The following CFAP54 variants were observed in gnomAD, a reference collection of about 807,000 sequenced individuals.
The protein encoded by CFAP54 is cilia- and flagella-associated protein 54.
In CFAP54, 290 loss-of-function variants were observed where a neutral mutation model predicts 370.4. That is an observed-to-expected ratio of 0.78 (90% CI 0.71 to 0.86). CFAP54 has a LOEUF of 0.86. Among genes scored for constraint, CFAP54 ranks in the 40% least tolerant of loss-of-function variants. CFAP54 has a pLI of 0.00. For missense variants in CFAP54, 3,399 were observed against 3,528.7 expected, an observed-to-expected ratio of 0.96 and a Z score of 0.93; for synonymous variants, 1,206 against 1,236.5, an observed-to-expected ratio of 0.98 and a Z score of 0.52.
At chr12:96,533,661 C>A in intron 9 of CFAP54, 131 bp from the exon 10 acceptor site, 1 of 699,732 alleles carries the variant, frequency 1.4e-6, no homozygotes, top group Non-Finnish European at 2.2e-6. Flanking sequence ...TTTCTTGTTT[C>A]CCCCACTAGA....
intron 55 of CFAP54, among the ~76,000 whole-genome samples, chr12:96,746,838 C>G (rs1010096269): frequency 1.3e-5 from 2 of 152,092 alleles, no homozygotes; most frequent in African/African-American, 4.8e-5. Flanking sequence ...CATTCTCTTC[C>G]CTCTCCTCCC....
chr12:96,875,081 A>G (rs192415523), intron 67 of CFAP54, 37 bp from the exon 68 acceptor site: 1 of 152,322 alleles, frequency 6.6e-6, no homozygotes, highest in African/African-American at 2.4e-5. Flanking sequence ...GGAAAATTAT[A>G]TGAAATTCAA....
At chr12:96,785,679 G>A (rs1958622171) in intron 61 of CFAP54, among the ~76,000 whole-genome samples, 1 of 152,172 alleles carries the variant, frequency 6.6e-6, no homozygotes, top group South Asian at 2.1e-4. Context: ...CAGCCCTGGT[G>A]ATCCCTTGCC....
At chr12:96,538,811 C>G (rs1002750954) in intron 13 of CFAP54, 11 of 263,548 alleles carry the variant, frequency 4.2e-5, no homozygotes, top group Non-Finnish European at 7.9e-5. Context: ...TAGTATGGTA[C>G]CATGATCTTG....
rs1956946557 is a variant in CFAP54 at position 96,658,231 on chromosome 12, T to C, written c.5345T>C (p.Val1782Ala). ...TCTAGTGAGAGGTATACAGAACAAG[T>C]GACACCACTTCTGGTGTATGCACAG... The part of the protein sequence containing the change: ...TVSHERYTEQ[V>A]TPLLVYAQRQ... Residue 1782 changes from valine to alanine, a missense_variant, in exon 38 of 68, where the codon GTG becomes GCG. Val to Ala is a moderately conservative substitution (Grantham distance 64). Coordinates refer to ENST00000524981, the MANE Select transcript of CFAP54 (RefSeq NM_001306084.2). 1.2e-6 allele frequency: 2 copies of C among 1,613,938 alleles called. No individual in the cohort carries two copies. The highest frequency in any genetic ancestry group is 1.7e-6 in the Non-Finnish European group (2 of 1,179,946).
intron 22 of CFAP54, among the ~76,000 whole-genome samples, chr12:96,587,259 A>G (rs963320367): frequency 3.3e-5 from 5 of 152,080 alleles, no homozygotes; most frequent in Non-Finnish European, 7.4e-5. Flanking sequence ...TGATAAAACT[A>G]TAGGACTAGG....
intron 50 of CFAP54, among the ~76,000 whole-genome samples, chr12:96,737,778 T>C (rs1957997753): frequency 6.6e-6 from 1 of 152,048 alleles, no homozygotes; most frequent in Non-Finnish European, 1.5e-5. Context: ...ATGAGATATA[T>C]TGACCAAAAA....
intron 62 of CFAP54, among the ~76,000 whole-genome samples, chr12:96,788,393 A>T (rs1958649904): frequency 1.3e-5 from 2 of 152,246 alleles, no homozygotes; most frequent in African/African-American, 4.8e-5. Context: ...CATATCTGTG[A>T]AATGAATAAG....
chr12:96,821,160 TG>T (rs1262063721), intron 65 of CFAP54, among the ~76,000 whole-genome samples: 1 of 152,192 alleles, frequency 6.6e-6, no homozygotes, highest in Non-Finnish European at 1.5e-5. Context: ...GATGGAGAGA[TG>T]GGCTCTTTGG....
At chr12:96,507,331 G>C (rs1252428941) in intron 4 of CFAP54, among the ~76,000 whole-genome samples, 1 of 152,158 alleles carries the variant, frequency 6.6e-6, no homozygotes, top group East Asian at 1.9e-4. Flanking sequence ...AATAATCACT[G>C]TTGGGTGTTC....
chr12:96,874,218 A>G (rs1405894152), intron 67 of CFAP54, among the ~76,000 whole-genome samples: 2 of 152,192 alleles, frequency 1.3e-5, no homozygotes, highest in Non-Finnish European at 2.9e-5. Flanking sequence ...AGCAGTCAAC[A>G]GGGGCACATT....
chr12:96,658,727 T>C (rs1862017), intron 38 of CFAP54, among the ~76,000 whole-genome samples: 89,370 of 151,814 alleles, frequency 0.59, 26,805 homozygotes, highest in East Asian at 0.77. Flanking sequence ...TTCCTTAGTG[T>C]GTTAATTCAG....
intron 36 of CFAP54, among the ~76,000 whole-genome samples, chr12:96,656,626 C>T (rs1819584106): frequency 6.6e-6 from 1 of 152,214 alleles, no homozygotes; most frequent in Admixed American, 6.5e-5. Flanking sequence ...GTTGATCTGC[C>T]CTCCTCGGCC....
intron 17 of CFAP54, among the ~76,000 whole-genome samples, chr12:96,562,381 T>G (rs1955824516): frequency 6.6e-6 from 1 of 152,040 alleles, no homozygotes; most frequent in Non-Finnish European, 1.5e-5. Context: ...TTTTAATTTT[T>G]TTTTCAATTT....
chr12:96,647,500 A>AAAAAAAAAAAAAAAAC (rs1565927578), intron 33 of CFAP54, among the ~76,000 whole-genome samples: 6 of 145,212 alleles, frequency 4.1e-5, no homozygotes, highest in South Asian at 4.6e-4. Flanking sequence ...AAAAAAAGAA[A>AAAAAAAAAAAAAAAAC]TGCCATTGAT....
Position 96,691,307 on chromosome 12 carries a change from A to G in CFAP54, c.6261A>G (p.Leu2087=). The G allele has an allele frequency of 6.4e-7, 1 of 1,569,594 alleles. No homozygotes were observed. Among genetic ancestry groups the G allele is most frequent in the Non-Finnish European group, 8.6e-7 (1 of 1,161,338 alleles). The change falls in exon 44 of 68, where the codon CTA becomes CTG. Residue 2087 remains leucine, a synonymous_variant. Transcript: ENST00000524981. ...AACTGCACTTTGTTAGGCAAAACCT[A>G]ATAGTAAGTAATTTGTAAAATAAAA... ...IRELHFVRQN[L]IVLPLLALYQ...
rs1306894423 is a variant in CFAP54, at chr12:96,817,871, T to C, written c.9054T>C (p.Tyr3018=). Residue 3018 remains tyrosine (Y), a synonymous_variant, in exon 65 of 68, where the codon TAT becomes TAC. Transcript: ENST00000524981. ...APEITSNENI[Y]EVEVEEESVD... is the part of the protein sequence containing the mutation. ...AAATTACCTCAAATGAAAACATATA[T>C]GAAGTAGAAGTGGAAGAGGAATCAG... 3.3e-6 allele frequency: 5 copies of C among 1,510,650 alleles called. No individual in the cohort carries two copies. Among genetic ancestry groups the C allele is most frequent in the Non-Finnish European group, 3.5e-6 (4 of 1,133,374 alleles). 93.6% of individuals were successfully genotyped at this position (1,510,650 alleles called of 1,614,324 possible).
rs550488599 is a variant in CFAP54, at chr12:96,725,050, C to G, written c.6965+4485C>G. 3.4e-3 allele frequency among the ~76,000 whole-genome samples: 525 copies of G among 152,272 alleles called. 5 individuals carry two copies. The highest frequency in any genetic ancestry group is 0.012 in the African/African-American group (491 of 41,542). On this transcript the variant is annotated intron_variant, in intron 50 of 67. Transcript: ENST00000524981. ...ATTGATCTATATCTCTGTTTTGGTA[C>G]CACTACCATGCTGTTTTGGTTACTG...
chr12:96,863,503 C>G (rs1434677979), intron 67 of CFAP54, among the ~76,000 whole-genome samples: 1 of 152,194 alleles, frequency 6.6e-6, no homozygotes, highest in East Asian at 1.9e-4. Flanking sequence ...TTAAATCCTC[C>G]CGGAAGAATC....
Sources: allele counts gnomAD v4.1 joint callset (sites outside exome capture counted in the v4.1 genomes callset), GRCh38; gene constraint gnomAD v4.1.1; transcripts MANE v1.5; gene names NCBI Gene and HGNC (gene_info 2026-07-23, HGNC 2026-07-21).